The following WWOX variants were observed in gnomAD, a reference collection of about 807,000 sequenced individuals.
The protein encoded by WWOX is WW domain containing oxidoreductase.
A neutral mutation model predicts 46.2 loss-of-function variants in WWOX; 69 were observed. The ratio of observed to expected loss-of-function variants is 1.49; its 90% CI spans 1.23 to 1.82. WWOX has a LOEUF of 1.82. WWOX is among the 40% of genes most tolerant of loss of function. WWOX has a pLI of 0.00. For synonymous variants in WWOX, 359 were observed against 202.6 expected (o/e 1.77, Z -6.56); for missense variants, 919 against 542.6 (o/e 1.69, Z -6.89).
chr16:78,564,172 T>A (rs948689817), intron 8 of WWOX, among the ~76,000 whole-genome samples: 8 of 152,238 alleles, frequency 5.3e-5, no homozygotes, highest in African/African-American at 1.9e-4. Context: ...CATGCAATCT[T>A]GAGCTAAAAA....
intron 8 of WWOX, among the ~76,000 whole-genome samples, chr16:78,830,533 C>T (rs558094661): frequency 6.6e-6 from 1 of 152,012 alleles, no homozygotes; most frequent in Non-Finnish European, 1.5e-5. Flanking sequence ...GGGAAGCCTC[C>T]TTCCTCCCAG....
chr16:79,146,657 G>C (rs1347842527), intron 8 of WWOX, among the ~76,000 whole-genome samples: 1 of 152,132 alleles, frequency 6.6e-6, no homozygotes, highest in Admixed American at 6.5e-5. Flanking sequence ...GAGAATTAAG[G>C]TTCATTCACT....
At chr16:78,113,383 T>C (rs1341589977) in intron 3 of WWOX, among the ~76,000 whole-genome samples, 1 of 152,246 alleles carries the variant, frequency 6.6e-6, no homozygotes, top group Non-Finnish European at 1.5e-5. Context: ...TCTGTTGCAA[T>C]GATTCAACTC....
At chr16:78,629,539 T>A (rs2046380666) in intron 8 of WWOX, among the ~76,000 whole-genome samples, 1 of 152,206 alleles carries the variant, frequency 6.6e-6, no homozygotes, top group Non-Finnish European at 1.5e-5. Flanking sequence ...ACCATATCCC[T>A]TAGGATAAAA....
chr16:78,523,399 A>G (rs1292253221), intron 8 of WWOX, among the ~76,000 whole-genome samples: 1 of 152,218 alleles, frequency 6.6e-6, no homozygotes, highest in Non-Finnish European at 1.5e-5. Flanking sequence ...TAAGAGAGGA[A>G]GTAGTACAGC....
At chr16:78,367,640 A>T (rs970743368) in intron 5 of WWOX, among the ~76,000 whole-genome samples, 1 of 152,150 alleles carries the variant, frequency 6.6e-6, no homozygotes, top group Non-Finnish European at 1.5e-5. Flanking sequence ...GGGCTCAGGG[A>T]TAATTTCCAG....
At position 79,212,410 on chromosome 16, in the gene WWOX, C is replaced by A; in HGVS notation, c.*614C>A. On this transcript the variant is annotated 3_prime_UTR_variant, in exon 9 of 9. Transcript: ENST00000566780. ...GGTGGCAAAGTACTTGTCATAGACT[C>A]CTTTGCTAATGCTATGCAAAAAATT... 7.5e-6 allele frequency: 3 copies of A among 399,458 alleles called. No homozygotes were observed. The highest frequency in any genetic ancestry group is 1.3e-5 in the Non-Finnish European group (3 of 224,660). 24.7% of individuals were successfully genotyped at this position (399,458 alleles called of 1,614,324 possible). A position where few individuals can be genotyped will look rare whatever the true frequency, so the allele number is the denominator to read the frequency against.
intron 8 of WWOX, among the ~76,000 whole-genome samples, chr16:79,105,319 C>T (rs935028671): frequency 2.0e-4 from 30 of 152,026 alleles, no homozygotes; most frequent in Admixed American, 3.3e-4. Flanking sequence ...TACAGATAAG[C>T]GAAAATAACA....
At chr16:78,766,204 A>C (rs963056673) in intron 8 of WWOX, among the ~76,000 whole-genome samples, 3 of 152,180 alleles carry the variant, frequency 2.0e-5, no homozygotes, top group African/African-American at 7.2e-5. Context: ...TTTCTGGGCT[A>C]CTCAAAAAAG....
At chr16:78,693,684 G>A (rs1159139940) in intron 8 of WWOX, among the ~76,000 whole-genome samples, 1 of 152,144 alleles carries the variant, frequency 6.6e-6, no homozygotes, top group African/African-American at 2.4e-5. Context: ...TCGAGTGGAT[G>A]GAGGGCAGGT....
At chr16:78,206,280 A>G (rs575588017) in intron 5 of WWOX, among the ~76,000 whole-genome samples, 54 of 152,328 alleles carry the variant, frequency 3.5e-4, no homozygotes, top group African/African-American at 1.3e-3. Flanking sequence ...TGAGCCTGTC[A>G]TTGAAATATA....
At chr16:79,013,115 C>T (rs1245729005) in intron 8 of WWOX, among the ~76,000 whole-genome samples, 1 of 152,224 alleles carries the variant, frequency 6.6e-6, no homozygotes, top group Non-Finnish European at 1.5e-5. Context: ...GGTGGTCCTC[C>T]AGAATTGCCC....
intron 7 of WWOX, among the ~76,000 whole-genome samples, chr16:78,427,480 G>T (rs374369098): frequency 8.1e-4 from 124 of 152,248 alleles, no homozygotes; most frequent in African/African-American, 2.7e-3. Context: ...GGCTGCAGCT[G>T]CATGGAGTGC....
intron 8 of WWOX, among the ~76,000 whole-genome samples, chr16:79,054,400 G>C (rs1274150996): frequency 2.0e-5 from 3 of 152,194 alleles, no homozygotes; most frequent in Admixed American, 2.0e-4. Flanking sequence ...TCCTAGAGGA[G>C]GAAAATGCTT....
chr16:78,820,231 C>G (rs561282053), intron 8 of WWOX, among the ~76,000 whole-genome samples: 2 of 152,242 alleles, frequency 1.3e-5, no homozygotes, highest in East Asian at 1.9e-4. Flanking sequence ...CAGTCATGGA[C>G]ACTGCTAAGT....
At chr16:78,439,650 T>C (rs1285277381) in intron 8 of WWOX, among the ~76,000 whole-genome samples, 1 of 152,208 alleles carries the variant, frequency 6.6e-6, no homozygotes, top group Admixed American at 6.6e-5. Flanking sequence ...ATTTGACATT[T>C]CTGAGGTTAA....
At chr16:78,942,620 A>C (rs2045874594) in intron 8 of WWOX, among the ~76,000 whole-genome samples, 1 of 152,222 alleles carries the variant, frequency 6.6e-6, no homozygotes, top group African/African-American at 2.4e-5. Context: ...TTCATCTCAG[A>C]AAGTTTGAGA....
chr16:78,633,849 C>T (rs778257312), intron 8 of WWOX, among the ~76,000 whole-genome samples: 1 of 151,842 alleles, frequency 6.6e-6, no homozygotes, highest in African/African-American at 2.4e-5. Flanking sequence ...TTCCTTCCCA[C>T]TCACATGTAG....
At chr16:78,394,667 T>G (rs2151939852) in intron 6 of WWOX, among the ~76,000 whole-genome samples, 1 of 152,356 alleles carries the variant, frequency 6.6e-6, no homozygotes, top group African/African-American at 2.4e-5. Flanking sequence ...TTTCAGACTA[T>G]TAAGATCTCT....
Sources: gnomAD v4.1 joint callset for allele counts (sites outside exome capture counted in the v4.1 genomes callset) on GRCh38, gnomAD v4.1.1 for gene constraint, MANE v1.5 for transcripts, NCBI Gene and HGNC (gene_info 2026-07-23, HGNC 2026-07-21) for gene names.